DEFB116: variants seen among roughly 807,000 people sequenced by gnomAD.
The protein encoded by DEFB116 is beta-defensin 116.
In DEFB116, 5 loss-of-function variants were observed where a neutral mutation model predicts 2.8. That is an observed-to-expected ratio of 1.80 (90% confidence interval 0.94 to 3.79). The LOEUF (loss-of-function observed/expected upper bound fraction) is 3.79, where lower values mean the gene tolerates loss of function less well. Among genes scored for constraint, DEFB116 ranks in the 30% most tolerant of loss-of-function variants. DEFB116 has a pLI of 0.00. For missense variants in DEFB116, 170 were observed against 118.0 expected (o/e 1.44, Z -2.04); for synonymous variants, 56 against 40.8 (o/e 1.37, Z -1.42).
chr20:31,303,524 G>A (rs73104079), intron 1 of DEFB116, 71 bp from the exon 2 acceptor site: 44,663 of 1,576,224 alleles, frequency 0.028, 802 homozygotes, highest in Non-Finnish European at 0.034. Context: ...TGATTTAAAG[G>A]AACACGCCCT....
At chr20:31,306,077 C>T (rs964458968) in intron 1 of DEFB116, among the ~76,000 whole-genome samples, 1 of 152,062 alleles carries the variant, frequency 6.6e-6, no homozygotes, top group Non-Finnish European at 1.5e-5. Context: ...ATCCTCTGGA[C>T]CTTTTTAAAA....
At chr20:31,303,995 T>A (rs924109113) in intron 1 of DEFB116, among the ~76,000 whole-genome samples, 3 of 152,122 alleles carry the variant, frequency 2.0e-5, no homozygotes, top group Admixed American at 2.0e-4. Flanking sequence ...ACTACAACTG[T>A]CTCTCTTTGT....
In DEFB116 at chr20:31,308,581, G is replaced by C; in HGVS notation, c.5C>G (p.Ser2Ter). The C allele has an allele frequency of 6.2e-7, 1 of 1,613,420 alleles. No homozygotes were observed. The highest frequency in any genetic ancestry group is 8.5e-7 in the Non-Finnish European group (1 of 1,179,460). The change falls in exon 1 of 2, where the codon TCA becomes TGA. Residue 2 changes from serine (S) to a stop codon, truncating the protein, a stop_gained. Coordinates refer to ENST00000400549, the MANE Select transcript of DEFB116 (RefSeq NM_001037731.1). LOFTEE classifies it high-confidence loss of function. ...GGTCATTAAACAGGGCTTCATGACT[G>C]ACATGTTCCACCAGAATGAAGGGCT... The part of the protein sequence containing the change: M[S>*]VMKPCLMTIA...
rs373063429 is a variant in DEFB116, at chr20:31,303,324, T to C, written c.197A>G (p.Lys66Arg). 1.9e-5 allele frequency: 31 copies of C among 1,613,626 alleles called. 1 individual carries two copies. In the African/African-American group the frequency reaches 2.7e-4, roughly 14 times the overall value. Reference protein sequence around the residue: ...IQYLTCPNDQKCCLKLSVKIT... With the variant: ...IQYLTCPNDQRCCLKLSVKIT... ...TTTCACAGAAAGTTTCAGGCAGCAC[T>C]TTTGATCATTTGGGCAGGTTAAGTA... The change falls in exon 2 of 2, where the codon AAG (lysine) becomes AGG (arginine). Residue 66 changes from lysine to arginine, a missense_variant. Transcript: ENST00000400549.
chr20:31,305,615 C>A (rs1984975451), intron 1 of DEFB116, among the ~76,000 whole-genome samples: 1 of 152,022 alleles, frequency 6.6e-6, no homozygotes, highest in East Asian at 1.9e-4. Context: ...TTGATAATCT[C>A]TCCATCTTCC....
Position 31,307,170 on chromosome 20 carries a change from T to A in DEFB116, c.67+1349A>T, listed in dbSNP as rs535011230. 1.2e-4 allele frequency among the ~76,000 whole-genome samples: 19 copies of A among 152,228 alleles called. No homozygotes were observed. In the South Asian group the frequency reaches 3.3e-3, roughly 27 times the overall value. ...CACGCCTAAAAGTTTTCTCCCACCA[T>A]CTTATTTATTATTTTTGGTACATCA... On this transcript the variant is annotated intron_variant, in intron 1 of 1. Coordinates refer to ENST00000400549, the MANE Select transcript of DEFB116 (RefSeq NM_001037731.1).
At chr20:31,305,679 C>T (rs1422056848) in intron 1 of DEFB116, among the ~76,000 whole-genome samples, 1 of 151,874 alleles carries the variant, frequency 6.6e-6, no homozygotes, top group Admixed American at 6.6e-5. Context: ...TGGCCCTCTG[C>T]ACCATGCTAT....
At position 31,303,413 on chromosome 20, in the gene DEFB116, A is replaced by G; in HGVS notation, c.108T>C (p.Pro36=). The G allele has an allele frequency of 6.2e-7, 1 of 1,613,484 alleles. No homozygotes were observed. Among genetic ancestry groups the G allele is most frequent in the Non-Finnish European group, 8.5e-7 (1 of 1,179,568 alleles). ...CTTGGTAAAGCTCACATGGATTCCA[A>G]GGCTCTCGGCTCTTGCCATTGTGGG... The part of the protein sequence containing the change: ...FRSHNGKSRE[P]WNPCELYQGM... The change falls in exon 2 of 2, where the codon CCT becomes CCC. Residue 36 remains proline, a synonymous_variant. Coordinates refer to ENST00000400549, the MANE Select transcript of DEFB116 (RefSeq NM_001037731.1).
intron 1 of DEFB116, among the ~76,000 whole-genome samples, chr20:31,304,985 C>T (rs572139422): frequency 3.3e-5 from 5 of 152,158 alleles, no homozygotes; most frequent in Admixed American, 2.6e-4. Context: ...GAGGGAAATG[C>T]CTCCACGGCA....
intron 1 of DEFB116, among the ~76,000 whole-genome samples, chr20:31,303,727 T>A (rs1984934811): frequency 6.6e-6 from 1 of 152,112 alleles, no homozygotes; most frequent in African/African-American, 2.4e-5. Flanking sequence ...ATGTATGTAG[T>A]ATTTTCAAAA....
intron 1 of DEFB116, among the ~76,000 whole-genome samples, chr20:31,304,308 T>C (rs1211512991): frequency 6.6e-6 from 1 of 152,122 alleles, no homozygotes; most frequent in African/African-American, 2.4e-5. Context: ...TCAATGGTAT[T>C]ACTTACCTAT....
At chr20:31,307,783 G>T (rs757167830) in intron 1 of DEFB116, among the ~76,000 whole-genome samples, 1 of 151,942 alleles carries the variant, frequency 6.6e-6, no homozygotes, top group Admixed American at 6.6e-5. Flanking sequence ...TCCCTGCCCA[G>T]ATAAACCTCA....
intron 1 of DEFB116, among the ~76,000 whole-genome samples, chr20:31,307,498 T>A (rs543077218): frequency 6.6e-6 from 1 of 152,260 alleles, no homozygotes; most frequent in South Asian, 2.1e-4. Flanking sequence ...CTTCTTGACG[T>A]TGGCCTTGGG....
intron 1 of DEFB116, among the ~76,000 whole-genome samples, chr20:31,307,699 T>C (rs1985023698): frequency 6.6e-6 from 1 of 152,102 alleles, no homozygotes; most frequent in Non-Finnish European, 1.5e-5. Context: ...CTTATTTCAA[T>C]AGCCACAACC....
intron 1 of DEFB116, among the ~76,000 whole-genome samples, chr20:31,307,873 A>G (rs5001275): frequency 0.82 from 124,446 of 151,596 alleles, 51,085 homozygotes; most frequent in Non-Finnish European, 0.83. Context: ...AATAACCACC[A>G]AAAGCCCAAC....
In DEFB116 at chr20:31,308,527, T is replaced by C. The variant is rs1420933451; in HGVS notation, c.59A>G (p.Lys20Arg). Residue 20 changes from lysine to arginine, a missense_variant, in exon 1 of 2, where the codon AAG becomes AGG. Lys to Arg is a conservative substitution (Grantham distance 26, BLOSUM62 2). Transcript: ENST00000400549. ...TIAILMILAQ[K>R]TPGGLFRSHN... ...AGAGAGGCCTGAGTTACCTGGAGTC[T>C]TTTGAGCCAGGATCATAAGGATGGC... is the stretch of plus-strand genomic sequence containing the variant. 2 of 1,613,454 alleles carry C rather than the reference T, an allele frequency of 1.2e-6. No individual in the cohort carries two copies. Among genetic ancestry groups the C allele is most frequent in the East Asian group, 2.2e-5 (1 of 44,868 alleles).
chr20:31,303,435 T>C lies in DEFB116; in HGVS notation c.86A>G (p.His29Arg), dbSNP rs1278831578. ...QKTPGGLFRS[H>R]NGKSREPWNP... ...CCAAGGCTCTCGGCTCTTGCCATTGTGGGATCTGAACAGGCCACCTGGGAA... is the reference window on the plus strand; with the variant it reads ...CCAAGGCTCTCGGCTCTTGCCATTGCGGGATCTGAACAGGCCACCTGGGAA... The change falls in exon 2 of 2, where the codon CAC becomes CGC. Residue 29 changes from histidine (H) to arginine (R), a missense_variant. Physicochemically the swap from His to Arg is conservative, Grantham distance 29 (BLOSUM62 0). Transcript: ENST00000400549. 4 of 1,613,316 alleles carry C rather than the reference T, an allele frequency of 2.5e-6. No individual in the cohort carries two copies. Among genetic ancestry groups the C allele is most frequent in the African/African-American group, 2.7e-5 (2 of 74,868 alleles).
At chr20:31,308,223 T>C (rs1030023877) in intron 1 of DEFB116, among the ~76,000 whole-genome samples, 8 of 152,102 alleles carry the variant, frequency 5.3e-5, no homozygotes, top group Admixed American at 1.3e-4. Flanking sequence ...ACACAGTCTC[T>C]CACACCTAAC....
At chr20:31,306,647 T>C (rs573630749) in intron 1 of DEFB116, among the ~76,000 whole-genome samples, 11 of 151,504 alleles carry the variant, frequency 7.3e-5, no homozygotes, top group Admixed American at 7.2e-4. Flanking sequence ...GGCATGAGAA[T>C]GTGAAATAGA....
Sources: allele counts gnomAD v4.1 joint callset (sites outside exome capture counted in the v4.1 genomes callset), GRCh38; gene constraint gnomAD v4.1.1; transcripts MANE v1.5; gene names NCBI Gene and HGNC (gene_info 2026-07-23, HGNC 2026-07-21).